The following CMSS1 variants were observed in gnomAD, a reference collection of about 807,000 sequenced individuals.
CMSS1 encodes the protein cms1 ribosomal small subunit homolog, also known as protein CMSS1.
In CMSS1, 33 loss-of-function variants were observed where a neutral mutation model predicts 43.5. The ratio of observed to expected loss-of-function variants is 0.76; its 90% CI spans 0.57 to 1.01. The LOEUF (loss-of-function observed/expected upper bound fraction) is 1.01, where lower values mean the gene tolerates loss of function less well. CMSS1 is among the 50% of genes least tolerant of loss of function. The probability of loss-of-function intolerance (pLI) is 0.00; values close to 1 mark genes in which losing one functional copy is unlikely to be tolerated. For synonymous variants in CMSS1, 115 were observed against 117.2 expected, an observed-to-expected ratio of 0.98 and a Z score of 0.12; for missense variants, 313 against 326.4, an observed-to-expected ratio of 0.96 and a Z score of 0.32.
intron 1 of CMSS1, among the ~76,000 whole-genome samples, chr3:99,914,539 AT>A (rs1389264789): frequency 1.3e-5 from 2 of 152,196 alleles, no homozygotes; most frequent in African/African-American, 4.8e-5. Flanking sequence ...ACATCATATC[AT>A]GTTTAAATTG....
chr3:99,997,462 C>G (rs191418802), intron 1 of CMSS1, among the ~76,000 whole-genome samples: 49 of 152,326 alleles, frequency 3.2e-4, no homozygotes, highest in African/African-American at 1.1e-3. Context: ...GAGGCTAAGT[C>G]TTCCAAGTCC....
chr3:99,901,587 C>T (rs151248113), intron 1 of CMSS1, among the ~76,000 whole-genome samples: 90 of 152,280 alleles, frequency 5.9e-4, no homozygotes, highest in Admixed American at 1.9e-3. Flanking sequence ...TTTGTGCTGA[C>T]AATAATATTA....
rs751990212 is a variant in CMSS1 at position 100,167,813 on chromosome 3, C to T, written c.491C>T (p.Ser164Leu). ...GTCCTGATGCTGATCATCTGCAGCT[C>T]GGCCGTCCGAGCCCTGGAGCTCATT... ...KSVLMLIICS[S>L]AVRALELIRS... Residue 164 changes from serine (S) to leucine (L), a missense_variant, in exon 6 of 10, where the codon TCG becomes TTG. Coordinates refer to ENST00000421999, the MANE Select transcript of CMSS1 (RefSeq NM_032359.4). The T allele has an allele frequency of 8.1e-6, 13 of 1,612,822 alleles. No homozygotes were observed. In the East Asian group the frequency reaches 1.6e-4, roughly 19 times the overall value.
intron 1 of CMSS1, among the ~76,000 whole-genome samples, chr3:99,945,168 G>A (rs758690273): frequency 1.2e-4 from 18 of 152,232 alleles, no homozygotes; most frequent in Admixed American, 1.3e-4. Context: ...CTATGAGTTC[G>A]GGTTAAGTCC....
intron 1 of CMSS1, among the ~76,000 whole-genome samples, chr3:100,095,712 T>C (rs955994930): frequency 6.6e-6 from 1 of 152,014 alleles, no homozygotes; most frequent in African/African-American, 2.4e-5. Context: ...TTGGTCTGGG[T>C]AAAAATTTAT....
chr3:99,983,481 T>C (rs1464017500), intron 1 of CMSS1, among the ~76,000 whole-genome samples: 3 of 20,712 alleles, frequency 1.4e-4, no homozygotes, highest in Non-Finnish European at 3.1e-4. Flanking sequence ...TATATATATA[T>C]ATATATATAT....
rs1576494090 is a variant in CMSS1 at position 99,833,345 on chromosome 3, T to C, written c.64+15302T>C. ...GTTGGTTTGTTTTATCCATAGATTC[T>C]CAAAAGAAACCTAGCAATCTAGAAG... On this transcript the variant is annotated intron_variant, in intron 1 of 9. Coordinates refer to ENST00000421999, the MANE Select transcript of CMSS1 (RefSeq NM_032359.4). The C allele has an allele frequency of 1.1e-5, 13 of 1,210,860 alleles. No individual in the cohort carries two copies. In the East Asian group the frequency reaches 3.1e-4, roughly 29 times the overall value. The allele number at this position is 1,210,860 out of a possible 1,614,324, so 75.0% of individuals were successfully genotyped here.
chr3:100,020,760 C>CTTTTTTTTTTT (rs34665880), intron 1 of CMSS1, among the ~76,000 whole-genome samples: 1 of 70,994 alleles, frequency 1.4e-5, no homozygotes, highest in East Asian at 4.5e-4. Flanking sequence ...GAATAATTAG[C>CTTTTTTTTTTT]TTTTTTTTTT....
At chr3:100,080,203 C>T (rs2065909865) in intron 1 of CMSS1, among the ~76,000 whole-genome samples, 1 of 152,216 alleles carries the variant, frequency 6.6e-6, no homozygotes, top group African/African-American at 2.4e-5. Flanking sequence ...AGGCTGGTCT[C>T]AAACTCCTGA....
At position 100,180,146 on chromosome 3, in the gene CMSS1, CA is replaced by C. The variant is rs983302826; in HGVS notation, c.*1759del. 1 of 124,432 alleles carries C rather than the reference CA, an allele frequency of 8.0e-6. No individual in the cohort carries two copies. The highest frequency in any genetic ancestry group is 3.2e-5 in the African/African-American group (1 of 31,450). The allele number at this position is 124,432 out of a possible 1,614,324, so 7.7% of individuals were successfully genotyped here. ...GGGCCCAGGGCCTAGCCCACGAAAC[CA>C]TTTTTTTCCTCCTAGGCCTCTGGGC... On this transcript the variant is annotated 3_prime_UTR_variant, in exon 10 of 10. Coordinates refer to ENST00000421999, the MANE Select transcript of CMSS1 (RefSeq NM_032359.4).
chr3:100,162,932 G>A (rs1259570444), intron 4 of CMSS1, among the ~76,000 whole-genome samples: 3 of 152,082 alleles, frequency 2.0e-5, no homozygotes, highest in Non-Finnish European at 2.9e-5. Context: ...CCAAGATGAC[G>A]CCATTGCACT....
intron 2 of CMSS1, among the ~76,000 whole-genome samples, chr3:100,152,644 T>G (rs2066930246): frequency 6.6e-6 from 1 of 152,202 alleles, no homozygotes; most frequent in South Asian, 2.1e-4. Flanking sequence ...ATCTTTAATC[T>G]TCCTTCTCTC....
At chr3:99,971,279 G>T (rs1181877859) in intron 1 of CMSS1, among the ~76,000 whole-genome samples, 1 of 150,386 alleles carries the variant, frequency 6.6e-6, no homozygotes, top group Non-Finnish European at 1.5e-5. Flanking sequence ...CGCGGAGCTT[G>T]CAGTGAGCCA....
At chr3:99,841,915 CAG>C (rs879802415) in intron 1 of CMSS1, among the ~76,000 whole-genome samples, 2 of 152,168 alleles carry the variant, frequency 1.3e-5, no homozygotes, top group Non-Finnish European at 2.9e-5. Flanking sequence ...GCATGGAAAA[CAG>C]TGTGGAGATT....
At chr3:100,010,131 G>A in intron 1 of CMSS1, 2 of 967,824 alleles carry the variant, frequency 2.1e-6, no homozygotes, top group Non-Finnish European at 2.5e-6. Flanking sequence ...TTATTTTTAG[G>A]TAAGTCATCT....
intron 1 of CMSS1, among the ~76,000 whole-genome samples, chr3:99,877,675 C>T (rs1253840120): frequency 6.6e-6 from 1 of 152,090 alleles, no homozygotes; most frequent in Non-Finnish European, 1.5e-5. Flanking sequence ...ACTCTTCTGC[C>T]CTATACTTGT....
At position 100,005,649 on chromosome 3, in the gene CMSS1, T is replaced by A. The variant is rs142410363; in HGVS notation, c.65-141324T>A. On this transcript the variant is annotated intron_variant, in intron 1 of 9. Transcript: ENST00000421999. The stretch of plus-strand genomic sequence containing the variant: ...ATAAAATATAGCCAGAAATATTTGT[T>A]TTAATGGAAATTTATAAGCCTCTTT... Among the ~76,000 whole-genome samples the A allele has an allele frequency of 5.0e-3, 755 of 152,356 alleles. 5 individuals carry two copies. Among genetic ancestry groups the A allele is most frequent in the African/African-American group, 0.017 (710 of 41,584 alleles).
At chr3:100,147,429 C>T (rs2066863453) in intron 2 of CMSS1, among the ~76,000 whole-genome samples, 1 of 151,764 alleles carries the variant, frequency 6.6e-6, no homozygotes, top group African/African-American at 2.4e-5. Flanking sequence ...TGCACCACCA[C>T]ACCCAGCTAA....
At chr3:99,848,882 T>A (rs775276773) in intron 1 of CMSS1, 5 of 1,614,150 alleles carry the variant, frequency 3.1e-6, no homozygotes, top group Non-Finnish European at 4.2e-6. Flanking sequence ...ACTGCAGTAC[T>A]CGTGTAAGAG....
Sources: allele counts gnomAD v4.1 joint callset (sites outside exome capture counted in the v4.1 genomes callset), GRCh38; gene constraint gnomAD v4.1.1; transcripts MANE v1.5; gene names NCBI Gene and HGNC (gene_info 2026-07-23, HGNC 2026-07-21).